INPP4B: variants seen among roughly 807,000 people sequenced by gnomAD.
The protein encoded by INPP4B is inositol polyphosphate 4-phosphatase type II.
Under a neutral mutation model 122.5 loss-of-function variants are expected in INPP4B, and 55 were observed. That is an observed-to-expected ratio of 0.45 (90% CI 0.36 to 0.56). The LOEUF is 0.56. INPP4B is among the 20% of genes least tolerant of loss of function. INPP4B has a pLI of 0.00. For missense variants in INPP4B, 1,000 were observed against 1,097.7 expected, an observed-to-expected ratio of 0.91 and a Z score of 1.26; for synonymous variants, 403 against 388.7, an observed-to-expected ratio of 1.04 and a Z score of -0.43.
chr4:142,408,995 A>T (rs568650734), intron 5 of INPP4B, among the ~76,000 whole-genome samples: 12 of 152,148 alleles, frequency 7.9e-5, no homozygotes, highest in Non-Finnish European at 1.8e-4. Flanking sequence ...GTGACTTGTC[A>T]TCAGAAAAAA....
At chr4:142,433,232 C>G (rs951610225) in intron 3 of INPP4B, among the ~76,000 whole-genome samples, 2 of 152,056 alleles carry the variant, frequency 1.3e-5, no homozygotes, top group Non-Finnish European at 2.9e-5. Flanking sequence ...GAGCATTTAC[C>G]TATGGTTATG....
intron 2 of INPP4B, among the ~76,000 whole-genome samples, chr4:142,658,325 T>C (rs564957825): frequency 9.1e-4 from 139 of 152,222 alleles, no homozygotes; most frequent in Non-Finnish European, 1.7e-3. Flanking sequence ...TGTACAGGAC[T>C]CATGAAGAGC....
chr4:142,250,117 G>A (rs954184610), intron 11 of INPP4B, among the ~76,000 whole-genome samples: 1 of 151,996 alleles, frequency 6.6e-6, no homozygotes, highest in Non-Finnish European at 1.5e-5. Context: ...ATGTAATTAA[G>A]GTACTTATAT....
chr4:142,295,136 A>G (rs928025038), intron 9 of INPP4B, among the ~76,000 whole-genome samples: 1 of 152,190 alleles, frequency 6.6e-6, no homozygotes, highest in African/African-American at 2.4e-5. Context: ...TTTCAGCATA[A>G]GAGCTAAGTT....
chr4:142,765,278 G>A (rs1220973140), intron 1 of INPP4B, among the ~76,000 whole-genome samples: 1 of 152,110 alleles, frequency 6.6e-6, no homozygotes, highest in South Asian at 2.1e-4. Flanking sequence ...AGGGAAATGA[G>A]GTCTACAAGG....
At chr4:142,841,248 T>C (rs1442597782) in intron 1 of INPP4B, among the ~76,000 whole-genome samples, 1 of 152,024 alleles carries the variant, frequency 6.6e-6, no homozygotes, top group East Asian at 1.9e-4. Flanking sequence ...TCCATGCACC[T>C]ATAGGTTCTA....
chr4:142,485,493 T>C (rs1168759119), intron 2 of INPP4B, among the ~76,000 whole-genome samples: 1 of 152,176 alleles, frequency 6.6e-6, no homozygotes, highest in Non-Finnish European at 1.5e-5. Context: ...GTAGTTTTGA[T>C]AGTTCAGAGA....
chr4:142,093,881 C>A (rs1347152629), intron 23 of INPP4B, among the ~76,000 whole-genome samples: 1 of 126,936 alleles, frequency 7.9e-6, no homozygotes. Context: ...GGTTGCATCA[C>A]CCATAGCAAA....
chr4:142,191,612 A>C (rs1835873518), intron 15 of INPP4B, among the ~76,000 whole-genome samples: 1 of 152,140 alleles, frequency 6.6e-6, no homozygotes, highest in African/African-American at 2.4e-5. Context: ...CATGGTTGAA[A>C]CTTTGGCTTC....
chr4:142,250,983 TAACA>T (rs1731713969), intron 11 of INPP4B, among the ~76,000 whole-genome samples: 1 of 152,206 alleles, frequency 6.6e-6, no homozygotes, highest in Non-Finnish European at 1.5e-5. Context: ...AATTTATATG[TAACA>T]AACAAATACC....
intron 15 of INPP4B, among the ~76,000 whole-genome samples, chr4:142,186,281 G>A (rs1432980788): frequency 6.6e-6 from 1 of 152,168 alleles, no homozygotes; most frequent in African/African-American, 2.4e-5. Context: ...TCAAATTTTG[G>A]AAACCACCCT....
At chr4:142,744,354 G>C (rs561594813) in intron 1 of INPP4B, among the ~76,000 whole-genome samples, 412 of 151,716 alleles carry the variant, frequency 2.7e-3, no homozygotes, top group Non-Finnish European at 5.0e-3. Flanking sequence ...AGTAGTCTTA[G>C]GAAGAAAAAA....
At chr4:142,489,303 A>G (rs1179561229) in intron 2 of INPP4B, among the ~76,000 whole-genome samples, 2 of 152,154 alleles carry the variant, frequency 1.3e-5, no homozygotes, top group African/African-American at 2.4e-5. Context: ...TGAGTGCTCT[A>G]TATGTACCTG....
At chr4:142,143,922 TA>T (rs1182401516) in intron 18 of INPP4B, among the ~76,000 whole-genome samples, 3 of 152,030 alleles carry the variant, frequency 2.0e-5, no homozygotes, top group South Asian at 4.2e-4. Context: ...TGACTTCTCT[TA>T]AAAAAATTCT....
intron 6 of INPP4B, 71 bp downstream of exon 6, chr4:142,405,135 G>C: frequency 4.7e-6 from 4 of 855,438 alleles, no homozygotes; most frequent in Non-Finnish European, 7.8e-6. Flanking sequence ...GAGGGAGAGA[G>C]AGAGCAAGAG....
At chr4:142,545,428 C>T (rs1829431791) in intron 2 of INPP4B, among the ~76,000 whole-genome samples, 1 of 151,994 alleles carries the variant, frequency 6.6e-6, no homozygotes, top group Non-Finnish European at 1.5e-5. Flanking sequence ...CACTGAGGGT[C>T]ACTGAGCTAG....
intron 1 of INPP4B, among the ~76,000 whole-genome samples, chr4:142,790,930 C>T (rs1208616258): frequency 2.0e-5 from 3 of 152,052 alleles, no homozygotes; most frequent in Non-Finnish European, 4.4e-5. Context: ...CACTCCCACT[C>T]TCTAACACCA....
chr4:142,430,417 T>C (rs1241692585), intron 4 of INPP4B, among the ~76,000 whole-genome samples: 4 of 152,106 alleles, frequency 2.6e-5, no homozygotes, highest in Admixed American at 1.3e-4. Context: ...TACAATTTTC[T>C]AAAGATTAGC....
Position 142,500,700 on chromosome 4 carries a change from A to G in INPP4B, c.-190-37974T>C, listed in dbSNP as rs183265555. Among the ~76,000 whole-genome samples the G allele has an allele frequency of 6.2e-4, 94 of 152,246 alleles. 1 individual carries two copies. The highest frequency in any genetic ancestry group is 1.1e-3 in the Non-Finnish European group (75 of 67,946). On this transcript the variant is annotated intron_variant, in intron 2 of 25. Coordinates refer to ENST00000262992, the MANE Select transcript of INPP4B (RefSeq NM_001101669.3). ...GCTAATATCTCTTCAAGATCATTAG[A>G]AAAGAAGGAAATTCTGTCATATGCA...
Sources: gnomAD v4.1 joint callset for allele counts (sites outside exome capture counted in the v4.1 genomes callset) on GRCh38, gnomAD v4.1.1 for gene constraint, MANE v1.5 for transcripts, NCBI Gene and HGNC (gene_info 2026-07-23, HGNC 2026-07-21) for gene names.